The following LMLN variants were observed in gnomAD, a reference collection of about 807,000 sequenced individuals.
The protein encoded by LMLN is leishmanolysin like peptidase, also known as leishmanolysin-like peptidase.
Under a neutral mutation model 92.3 loss-of-function variants are expected in LMLN, and 70 were observed. That is an observed-to-expected ratio of 0.76 (90% CI 0.63 to 0.92). The LOEUF is 0.92. Ranked by LOEUF, LMLN falls within the 40% of genes least tolerant of loss-of-function variation. The probability of loss-of-function intolerance (pLI) is 0.00; values close to 1 mark genes in which losing one functional copy is unlikely to be tolerated. For missense variants in LMLN, 691 were observed against 814.6 expected (o/e 0.85, Z 1.85); for synonymous variants, 308 against 296.2 (o/e 1.04, Z -0.41).
At chr3:197,987,235 G>A (rs1185138981) in intron 8 of LMLN, among the ~76,000 whole-genome samples, 1 of 134,092 alleles carries the variant, frequency 7.5e-6, no homozygotes, top group Non-Finnish European at 1.6e-5. Context: ...TCTCGGCTCA[G>A]TGCCAGCTCC....
chr3:197,989,204 G>A (rs1721798346), intron 8 of LMLN, among the ~76,000 whole-genome samples: 2 of 152,174 alleles, frequency 1.3e-5, no homozygotes, highest in African/African-American at 2.4e-5. Context: ...GCATGGAAAC[G>A]CACCACACCG....
At chr3:198,030,480 A>G (rs1263120914) in intron 14 of LMLN, among the ~76,000 whole-genome samples, 2 of 152,202 alleles carry the variant, frequency 1.3e-5, no homozygotes, top group Non-Finnish European at 2.9e-5. Context: ...CACTAATTCA[A>G]TTCTAAGCTC....
At chr3:198,022,382 G>C (rs1722806259) in intron 13 of LMLN, among the ~76,000 whole-genome samples, 1 of 152,186 alleles carries the variant, frequency 6.6e-6, no homozygotes, top group Non-Finnish European at 1.5e-5. Flanking sequence ...GCAGTAAGTA[G>C]TTTTTCTCTC....
At chr3:197,989,923 G>A (rs1721818272) in intron 8 of LMLN, among the ~76,000 whole-genome samples, 1 of 152,222 alleles carries the variant, frequency 6.6e-6, no homozygotes, top group African/African-American at 2.4e-5. Flanking sequence ...CACCCAGGCT[G>A]GAGTGCGGCT....
At chr3:197,960,415 G>C in exon 1 of LMLN, 1 of 1,613,840 alleles carries the variant, frequency 6.2e-7, no homozygotes, top group Non-Finnish European at 8.5e-7. Flanking sequence ...CCTCCCTGCC[G>C]GCACCACGTC....
intron 14 of LMLN, among the ~76,000 whole-genome samples, chr3:198,030,741 A>T (rs141255691): frequency 2.0e-5 from 3 of 151,518 alleles, no homozygotes; most frequent in African/African-American, 7.3e-5. Flanking sequence ...TCTTTTTTGG[A>T]TTTTTTTTAT....
At chr3:198,009,000 A>C (rs1371453645) in intron 11 of LMLN, among the ~76,000 whole-genome samples, 1 of 152,176 alleles carries the variant, frequency 6.6e-6, no homozygotes, top group East Asian at 1.9e-4. Context: ...AAGAGAGCAG[A>C]ACATGGTATG....
chr3:198,024,673 A>T (rs768682159), exon 14 of LMLN: 3 of 1,591,842 alleles, frequency 1.9e-6, no homozygotes, highest in Non-Finnish European at 1.7e-6. Context: ...TTTAAGAACT[A>T]TGGCGCTGAA....
chr3:197,976,202 C>A, intron 4 of LMLN, 91 bp downstream of exon 4: 1 of 730,526 alleles, frequency 1.4e-6, no homozygotes, highest in Non-Finnish European at 2.3e-6. Context: ...GAAACTTATA[C>A]TAGAATTTTA....
rs1215531825 is a variant in LMLN at position 198,025,973 on chromosome 3, T to C, written c.1656+1185T>C. On this transcript the variant is annotated intron_variant, in intron 14 of 15. Coordinates refer to ENST00000330198, the Ensembl canonical transcript of LMLN. This position sits in a 1 kb window ranked among gnomAD's most constrained non-coding sequence, Gnocchi z 4.3. ...TGCTTTTCTTCTTTTCTGTTTTTTT[T>C]TGAGACAGGGTTTTGCTCTGTCACC... Among the ~76,000 whole-genome samples, 5 of 152,176 alleles carry C rather than the reference T, an allele frequency of 3.3e-5. No individual in the cohort carries two copies. The highest frequency in any genetic ancestry group is 7.4e-5 in the Non-Finnish European group (5 of 68,024).
At chr3:197,996,356 G>C in intron 10 of LMLN, 74 bp downstream of exon 10, 1 of 1,007,400 alleles carries the variant, frequency 9.9e-7, no homozygotes, top group African/African-American at 1.7e-5. Flanking sequence ...ACTTATTCAA[G>C]CAGGTTATAA....
chr3:198,024,671 C>G, exon 14 of LMLN: 1 of 1,588,520 alleles, frequency 6.3e-7, no homozygotes, highest in Non-Finnish European at 8.5e-7. Flanking sequence ...TTTTTAAGAA[C>G]TATGGCGCTG....
intron 12 of LMLN, among the ~76,000 whole-genome samples, chr3:198,020,807 G>A (rs1239393363): frequency 1.1e-5 from 1 of 90,550 alleles, no homozygotes; most frequent in East Asian, 2.8e-4. Context: ...TTTTAGTAGA[G>A]ACGGGGTTTC....
intron 2 of LMLN, 80 bp downstream of exon 2, chr3:197,974,554 T>A: frequency 1.4e-6 from 1 of 706,410 alleles, no homozygotes; most frequent in Non-Finnish European, 2.3e-6. Flanking sequence ...CCTGAAGTTC[T>A]AAGAATCCAT....
At chr3:198,034,803 G>A (rs1259832490) in intron 14 of LMLN, among the ~76,000 whole-genome samples, 4 of 152,250 alleles carry the variant, frequency 2.6e-5, no homozygotes, top group African/African-American at 9.6e-5. Context: ...TAGGGTTAGG[G>A]AGAAAGAATG....
At chr3:197,997,937 G>C (rs1009620264) in intron 10 of LMLN, among the ~76,000 whole-genome samples, 1 of 152,246 alleles carries the variant, frequency 6.6e-6, no homozygotes, top group African/African-American at 2.4e-5. Context: ...GTGATACCCA[G>C]GATGGGGTTT....
chr3:197,989,214 G>A (rs750624464), intron 8 of LMLN, among the ~76,000 whole-genome samples: 10 of 152,112 alleles, frequency 6.6e-5, no homozygotes, highest in East Asian at 1.9e-4. Context: ...GCACCACACC[G>A]CTCCTGTTTC....
intron 1 of LMLN, among the ~76,000 whole-genome samples, chr3:197,965,196 T>G (rs2109840176): frequency 6.6e-6 from 1 of 152,210 alleles, no homozygotes; most frequent in Admixed American, 6.5e-5. Context: ...TTATTTTTAT[T>G]TTTGTAGAGA....
chr3:198,014,005 C>A (rs1373634603), intron 11 of LMLN, among the ~76,000 whole-genome samples: 3 of 142,280 alleles, frequency 2.1e-5, no homozygotes, highest in Admixed American at 6.8e-5. Context: ...CCTAACTAGT[C>A]TGACTTCTCT....
Sources: gnomAD v4.1 joint callset for allele counts (sites outside exome capture counted in the v4.1 genomes callset) on GRCh38, gnomAD v4.1.1 for gene constraint, Gnocchi (gnomAD v3.1) non-coding constraint, MANE v1.5 for transcripts, NCBI Gene and HGNC (gene_info 2026-07-23, HGNC 2026-07-21) for gene names.